Variants in NALF1 observed in about 807,000 individuals in gnomAD.
NALF1 encodes the protein NALCN channel auxiliary factor 1.
In NALF1, 3 loss-of-function variants were observed where a neutral mutation model predicts 48.4. That is an observed-to-expected ratio of 0.06 (90% CI 0.03 to 0.16). NALF1 has a LOEUF of 0.16. NALF1 is among the 10% of genes least tolerant of loss of function. The probability of loss-of-function intolerance (pLI) is 1.00; values close to 1 mark genes in which losing one functional copy is unlikely to be tolerated. For missense variants in NALF1, 526 were observed against 571.5 expected (o/e 0.92, Z 0.81); for synonymous variants, 262 against 245.7 (o/e 1.07, Z -0.62).
chr13:107,370,210 C>T (rs1173966994), intron 1 of NALF1, among the ~76,000 whole-genome samples: 2 of 152,214 alleles, frequency 1.3e-5, no homozygotes, highest in African/African-American at 2.4e-5. Context: ...CCTGCAAACA[C>T]TTGTCTGGAA....
chr13:107,573,751 T>G (rs941344443), intron 1 of NALF1, among the ~76,000 whole-genome samples: 1 of 152,152 alleles, frequency 6.6e-6, no homozygotes, highest in African/African-American at 2.4e-5. Context: ...ATCATGATAG[T>G]GAGTCTGTCT....
chr13:107,710,685 C>T (rs142167810), intron 1 of NALF1, among the ~76,000 whole-genome samples: 3 of 150,026 alleles, frequency 2.0e-5, no homozygotes, highest in South Asian at 2.1e-4. Context: ...AGAATCCAAT[C>T]GCCTCCCACC....
chr13:107,620,465 A>T (rs1050938463), intron 1 of NALF1, among the ~76,000 whole-genome samples: 2 of 152,216 alleles, frequency 1.3e-5, no homozygotes, highest in African/African-American at 4.8e-5. Flanking sequence ...GATGTTCACA[A>T]ATCTGATTCC....
chr13:107,680,584 C>CTG (rs1291109653), intron 1 of NALF1, among the ~76,000 whole-genome samples: 1 of 145,232 alleles, frequency 6.9e-6, no homozygotes, highest in South Asian at 2.3e-4. Flanking sequence ...GGGTATGTGA[C>CTG]TGTGTGTGAG....
intron 1 of NALF1, among the ~76,000 whole-genome samples, chr13:107,686,274 G>T (rs1199782109): frequency 6.6e-6 from 1 of 152,058 alleles, no homozygotes; most frequent in Non-Finnish European, 1.5e-5. Flanking sequence ...GCGCCCACCT[G>T]GTAGGAAGTT....
chr13:107,311,598 C>A (rs914592483), intron 1 of NALF1, among the ~76,000 whole-genome samples: 1 of 151,026 alleles, frequency 6.6e-6, no homozygotes, highest in Non-Finnish European at 1.5e-5. Flanking sequence ...TGAGCTAAAT[C>A]ATCACAATAG....
intron 1 of NALF1, among the ~76,000 whole-genome samples, chr13:107,261,245 C>G (rs1296230166): frequency 6.6e-6 from 1 of 152,120 alleles, no homozygotes; most frequent in Non-Finnish European, 1.5e-5. Flanking sequence ...ATAGAAATCT[C>G]TCTCTCATTT....
intron 1 of NALF1, among the ~76,000 whole-genome samples, chr13:107,627,825 A>G (rs542065502): frequency 5.3e-5 from 8 of 152,138 alleles, no homozygotes; most frequent in Admixed American, 3.3e-4. Context: ...GATTTGCTCA[A>G]TTTGCCTTAA....
chr13:107,680,761 G>C (rs989306139), intron 1 of NALF1, among the ~76,000 whole-genome samples: 2 of 150,950 alleles, frequency 1.3e-5, no homozygotes, highest in Non-Finnish European at 2.9e-5. Context: ...GTAAGAGTAT[G>C]TGAGTGTGCA....
intron 1 of NALF1, among the ~76,000 whole-genome samples, chr13:107,405,772 A>G (rs983686740): frequency 6.6e-6 from 1 of 152,052 alleles, no homozygotes; most frequent in Non-Finnish European, 1.5e-5. Context: ...TATGTGTTAA[A>G]AAAAACTACA....
intron 1 of NALF1, among the ~76,000 whole-genome samples, chr13:107,780,843 G>A (rs1877867819): frequency 6.6e-6 from 1 of 152,122 alleles, no homozygotes; most frequent in Non-Finnish European, 1.5e-5. Flanking sequence ...TTTTACATGG[G>A]CCCCCAACTG....
At chr13:107,861,614 C>T (rs2138650407) in intron 1 of NALF1, among the ~76,000 whole-genome samples, 1 of 152,284 alleles carries the variant, frequency 6.6e-6, no homozygotes, top group Non-Finnish European at 1.5e-5. Context: ...GAAACACCAT[C>T]TCTATGAAAA....
At chr13:107,512,763 G>T (rs570035254) in intron 1 of NALF1, among the ~76,000 whole-genome samples, 2 of 152,054 alleles carry the variant, frequency 1.3e-5, no homozygotes, top group Non-Finnish European at 2.9e-5. Flanking sequence ...GGAAAGGGGT[G>T]GTAAGTAACT....
intron 1 of NALF1, among the ~76,000 whole-genome samples, chr13:107,756,049 T>C (rs3905069): frequency 0.084 from 12,736 of 152,266 alleles, 655 homozygotes; most frequent in East Asian, 0.16. Flanking sequence ...CCTAGGTTAC[T>C]AAAGACATTG....
intron 1 of NALF1, among the ~76,000 whole-genome samples, chr13:107,522,303 T>C (rs1876270469): frequency 6.6e-6 from 1 of 152,178 alleles, no homozygotes; most frequent in Admixed American, 6.5e-5. Context: ...CTTTAATTTC[T>C]TGGACCCTTT....
chr13:107,537,844 C>G lies in NALF1; in HGVS notation c.916-327089G>C, dbSNP rs189459394. ...ACCAGCCTGGCCAACATGGTGAAAT[C>G]TTGTCTCCACTAAAAATACAAAAAT... On this transcript the variant is annotated intron_variant, in intron 1 of 2. Transcript: ENST00000375915. 3.4e-3 allele frequency among the ~76,000 whole-genome samples: 511 copies of G among 152,186 alleles called. 3 individuals carry two copies. Among genetic ancestry groups the G allele is most frequent in the African/African-American group, 0.012 (490 of 41,534 alleles).
chr13:107,556,272 CATATATAT>C (rs56407804), intron 1 of NALF1, among the ~76,000 whole-genome samples: 205 of 131,350 alleles, frequency 1.6e-3, no homozygotes, highest in Admixed American at 2.4e-3. Flanking sequence ...TCTCTCTCAA[CATATATAT>C]ATATATATAT....
intron 1 of NALF1, among the ~76,000 whole-genome samples, chr13:107,833,136 T>A (rs2138628893): frequency 6.6e-6 from 1 of 151,516 alleles, no homozygotes; most frequent in East Asian, 2.0e-4. Context: ...CCCTCTCAGA[T>A]GGTCCCTGCG....
intron 1 of NALF1, among the ~76,000 whole-genome samples, chr13:107,501,032 G>A (rs1309536299): frequency 6.6e-6 from 1 of 151,834 alleles, no homozygotes; most frequent in East Asian, 1.9e-4. Flanking sequence ...CAGCACACCA[G>A]CATGGCACAT....
Sources: gnomAD v4.1 joint callset for allele counts (sites outside exome capture counted in the v4.1 genomes callset) on GRCh38, gnomAD v4.1.1 for gene constraint, MANE v1.5 for transcripts, NCBI Gene and HGNC (gene_info 2026-07-23, HGNC 2026-07-21) for gene names.